HPN: variants seen among roughly 807,000 people sequenced by gnomAD.
The protein encoded by HPN is hepsin.
HPN carries 13 observed loss-of-function variants against 55.9 expected under a neutral mutation model. That is an observed-to-expected ratio of 0.23 (90% confidence interval 0.15 to 0.37). The LOEUF (loss-of-function observed/expected upper bound fraction) is 0.37, where lower values mean the gene tolerates loss of function less well. HPN is among the 10% of genes least tolerant of loss of function. The pLI, the probability that HPN is intolerant of heterozygous loss-of-function variation, is 1.00. For missense variants in HPN, 451 were observed against 575.8 expected, an observed-to-expected ratio of 0.78 and a Z score of 2.22; for synonymous variants, 225 against 240.3, an observed-to-expected ratio of 0.94 and a Z score of 0.59.
chr19:35,060,658 T>G lies in HPN; in HGVS notation c.652T>G (p.Phe218Val). ...CCGGGTCCTGTCCCGATGGCGAGTG[T>G]TTGCCGGTGCCGTGGCCCAGGCCTC... The part of the protein sequence containing the change: ...RNRVLSRWRV[F>V]AGAVAQASPH... Residue 218 changes from phenylalanine to valine, a missense_variant, in exon 9 of 13, where the codon TTT (phenylalanine) becomes GTT (valine). Physicochemically the swap from Phe to Val is conservative, Grantham distance 50. Around this residue, in one of 2 missense-constraint regions of HPN, gnomAD observed 378 missense variants for 445.5 expected, o/e 0.85. Transcript: ENST00000672452. 6.2e-7 allele frequency: 1 copy of G among 1,614,102 alleles called. No individual in the cohort carries two copies. Among genetic ancestry groups the G allele is most frequent in the Non-Finnish European group, 8.5e-7 (1 of 1,180,020 alleles).
At chr19:35,061,664 G>A (rs2064534562) in intron 9 of HPN, among the ~76,000 whole-genome samples, 1 of 152,124 alleles carries the variant, frequency 6.6e-6, no homozygotes, top group South Asian at 2.1e-4. Flanking sequence ...TTGGACCATA[G>A]AAATGAATGA....
At position 35,066,536 on chromosome 19, in the gene HPN, C is replaced by T. The variant is rs1688029; in HGVS notation, c.*249C>T. The T allele has an allele frequency of 0.65, 356,584 of 547,850 alleles. 120,683 individuals carry two copies. The highest frequency in any genetic ancestry group is 0.73 in the Admixed American group (22,670 of 31,000). The allele number at this position is 547,850 out of a possible 1,614,324, so 33.9% of individuals were successfully genotyped here. ...ACTCCTGTCTAGGTGCCCCTGATGA[C>T]GGGATGCTCTTTAAATAATAAAGAT... is the stretch of plus-strand genomic sequence containing the variant. On this transcript the variant is annotated 3_prime_UTR_variant, in exon 13 of 13. Coordinates refer to ENST00000672452, the MANE Select transcript of HPN (RefSeq NM_001384133.1).
chr19:35,041,986 GA>G, intron 1 of HPN, 114 bp downstream of exon 1: 1 of 1,189,066 alleles, frequency 8.4e-7, no homozygotes, highest in Non-Finnish European at 1.1e-6. Flanking sequence ...GGGACCTGAA[GA>G]GGGGGCACTA....
In HPN at chr19:35,042,489, T is replaced by A. The variant is rs368391030; in HGVS notation, c.-18T>A. On this transcript the variant is annotated 5_prime_UTR_variant, in exon 2 of 13. Transcript: ENST00000672452. ...GCCCAGGAGGTCAGCCAGGGAATCA[T>A]TAACAAGAGGCAGTGACATGGCGCA... 5.1e-5 allele frequency: 82 copies of A among 1,607,904 alleles called. No individual in the cohort carries two copies. Among genetic ancestry groups the A allele is most frequent in the South Asian group, 1.0e-4 (9 of 89,514 alleles).
chr19:35,054,244 G>A (rs1329211000), intron 4 of HPN, among the ~76,000 whole-genome samples: 2 of 152,068 alleles, frequency 1.3e-5, no homozygotes, highest in Non-Finnish European at 2.9e-5. Flanking sequence ...ATGGTGAAAC[G>A]CTGTTTCTAC....
intron 1 of HPN, chr19:35,042,134 C>T: frequency 8.9e-7 from 1 of 1,129,170 alleles, no homozygotes; most frequent in Non-Finnish European, 1.1e-6. Context: ...GAGTCCTGGC[C>T]CCCAAATTCC....
intron 2 of HPN, among the ~76,000 whole-genome samples, chr19:35,048,017 A>AGT (rs2151755242): frequency 1.2e-5 from 1 of 82,282 alleles, no homozygotes; most frequent in Non-Finnish European, 2.6e-5. Context: ...AAAGAAAGAG[A>AGT]GAGAGAGAGA....
At chr19:35,064,946 C>T (rs1227547391) in intron 9 of HPN, among the ~76,000 whole-genome samples, 2 of 152,076 alleles carry the variant, frequency 1.3e-5, no homozygotes, top group African/African-American at 2.4e-5. Context: ...CTCAGTCTCC[C>T]GAGTAGCTGG....
intron 4 of HPN, among the ~76,000 whole-genome samples, chr19:35,053,822 G>C (rs571200493): frequency 6.7e-6 from 1 of 150,202 alleles, no homozygotes; most frequent in African/African-American, 2.4e-5. Flanking sequence ...CAAACCCTGA[G>C]ACTTGGCCTT....
intron 9 of HPN, 121 bp from the exon 10 acceptor site, chr19:35,065,129 G>GTT (rs113406953): frequency 6.9e-5 from 40 of 582,044 alleles, no homozygotes; most frequent in Non-Finnish European, 7.4e-5. Flanking sequence ...GCCTATTGTG[G>GTT]TTTTTTTTTT....
At chr19:35,041,368 G>A (rs2064291495), upstream of HPN, among the ~76,000 whole-genome samples, 1 of 152,130 alleles carries the variant, frequency 6.6e-6, no homozygotes, top group South Asian at 2.1e-4. Flanking sequence ...CAGGACCTGG[G>A]GCTGGAGGAC....
intron 2 of HPN, among the ~76,000 whole-genome samples, chr19:35,048,450 A>G (rs1411440818): frequency 1.3e-5 from 2 of 152,256 alleles, no homozygotes; most frequent in African/African-American, 4.8e-5. Flanking sequence ...AATTTGAGCT[A>G]TTCTTCTTCT....
chr19:35,052,683 C>T (rs1262150759), intron 4 of HPN, among the ~76,000 whole-genome samples: 3 of 152,204 alleles, frequency 2.0e-5, no homozygotes, highest in African/African-American at 7.2e-5. Context: ...GCCTCTCACC[C>T]TATGGTGTGT....
chr19:35,051,685 A>C (rs1261806803), intron 4 of HPN, among the ~76,000 whole-genome samples: 1 of 37,624 alleles, frequency 2.7e-5, no homozygotes, highest in African/African-American at 4.9e-5. Flanking sequence ...ATTGCTTGTT[A>C]AAAAAAAAAA....
intron 4 of HPN, 103 bp from the exon 5 acceptor site, chr19:35,059,570 C>A: frequency 6.9e-7 from 1 of 1,446,740 alleles, no homozygotes; most frequent in Non-Finnish European, 9.4e-7. Flanking sequence ...TTCACGTCTA[C>A]ACCACATGGC....
intron 4 of HPN, among the ~76,000 whole-genome samples, chr19:35,052,399 G>T (rs1568358314): frequency 6.6e-6 from 1 of 151,948 alleles, no homozygotes; most frequent in Non-Finnish European, 1.5e-5. Flanking sequence ...GTGGTGGCGG[G>T]CGCCTGTAAT....
chr19:35,050,469 G>C lies in HPN; in HGVS notation c.160+953G>C, dbSNP rs1489783855. On this transcript the variant is annotated intron_variant, in intron 4 of 12. Coordinates refer to ENST00000672452, the MANE Select transcript of HPN (RefSeq NM_001384133.1). ...AGATGTGCAAAATGAGGACCAGAGA[G>C]GACATGCAGCTGGGGAACGAGGGGC... 3.9e-6 allele frequency: 5 copies of C among 1,283,756 alleles called. No individual in the cohort carries two copies. The East Asian group carries it at 2.2e-4, about 57-fold the overall frequency. 79.5% of individuals were successfully genotyped at this position (1,283,756 alleles called of 1,614,324 possible).
intron 2 of HPN, among the ~76,000 whole-genome samples, chr19:35,047,853 C>T (rs960907029): frequency 6.6e-6 from 1 of 151,574 alleles, no homozygotes; most frequent in Non-Finnish European, 1.5e-5. Flanking sequence ...AAAAATTAGC[C>T]ATGTGTGGTG....
At position 35,059,664 on chromosome 19, in the gene HPN, G is replaced by A. The variant is rs753084966; in HGVS notation, c.161-9G>A. ...GACCCAGGCGGCCCCGGGCCCTGTC[G>A]CCCTGCAGTGCAGGTCAGCTCTGCG... On this transcript the variant is annotated splice_polypyrimidine_tract_variant and intron_variant, in intron 4 of 12. Transcript: ENST00000672452. 5 of 1,590,226 alleles carry A rather than the reference G, an allele frequency of 3.1e-6. No homozygotes were observed. The highest frequency in any genetic ancestry group is 3.5e-5 in the Admixed American group (2 of 56,382).
Sources: gnomAD v4.1 joint callset for allele counts (sites outside exome capture counted in the v4.1 genomes callset) on GRCh38, gnomAD v4.1.1 for gene constraint, gnomAD v4.1.1 regional missense constraint, MANE v1.5 for transcripts, NCBI Gene and HGNC (gene_info 2026-07-23, HGNC 2026-07-21) for gene names.